The following GPRIN3 variants were observed in gnomAD, a reference collection of about 807,000 sequenced individuals.
GPRIN3 encodes the protein GPRIN family member 3, also known as G protein-regulated inducer of neurite outgrowth 3.
Under a neutral mutation model 13.7 loss-of-function variants are expected in GPRIN3, and 12 were observed. That is an observed-to-expected ratio of 0.87 (90% CI 0.56 to 1.42). The LOEUF (loss-of-function observed/expected upper bound fraction) is 1.42. GPRIN3 is among the 40% of genes most tolerant of loss of function. The pLI is 0.00. For missense variants in GPRIN3, 1,009 were observed against 958.7 expected (o/e 1.05, Z -0.69); for synonymous variants, 377 against 372.7 (o/e 1.01, Z -0.13).
intron 1 of GPRIN3, among the ~76,000 whole-genome samples, chr4:89,283,562 G>A (rs1480175110): frequency 2.0e-5 from 3 of 152,174 alleles, no homozygotes; most frequent in African/African-American, 7.2e-5. Context: ...GGGGGAGGCA[G>A]AAACATAAAG....
At chr4:89,277,227 A>T (rs1445781911) in intron 1 of GPRIN3, among the ~76,000 whole-genome samples, 1 of 152,158 alleles carries the variant, frequency 6.6e-6, no homozygotes, top group Non-Finnish European at 1.5e-5. Context: ...CCAAATGGTA[A>T]CCATAGTGGC....
chr4:89,248,765 TC>T lies in GPRIN3; in HGVS notation c.1345del (p.Glu449SerfsTer15). Reference sequence around the variant, plus strand: ...ACCTGCGAGCTTTTTAGCAGTTGACTCTTCCCTCACTGGAGTCATTCCTGCT... The same window carrying T: ...ACCTGCGAGCTTTTTAGCAGTTGACTTTCCCTCACTGGAGTCATTCCTGCT... ...RLAGMTPVREESTAKKLAGTN... is the reference protein window; with the variant it reads ...RLAGMTPVREXSTAKKLAGTN... On this transcript the variant is annotated frameshift_variant, in exon 2 of 2. Transcript: ENST00000609438. LOFTEE classifies it low-confidence loss of function (END_TRUNC). 6.2e-7 allele frequency: 1 copy of T among 1,614,204 alleles called. No homozygotes were observed. Among genetic ancestry groups the T allele is most frequent in the South Asian group, 1.1e-5 (1 of 91,090 alleles).
At chr4:89,302,664 C>T (rs1395028164) in intron 1 of GPRIN3, among the ~76,000 whole-genome samples, 2 of 152,160 alleles carry the variant, frequency 1.3e-5, no homozygotes, top group Non-Finnish European at 2.9e-5. Flanking sequence ...TTCTCACTGG[C>T]ATTCAAGAGA....
chr4:89,293,755 T>C, intron 1 of GPRIN3, among the ~76,000 whole-genome samples: 1 of 152,218 alleles, frequency 6.6e-6, no homozygotes, highest in South Asian at 2.1e-4. Flanking sequence ...TTTAGCTCCA[T>C]ACCAGATGTG....
rs983656342 is a variant in GPRIN3, at chr4:89,242,230, C to T, written c.*5550G>A. On this transcript the variant is annotated 3_prime_UTR_variant, in exon 2 of 2. Coordinates refer to ENST00000609438, the MANE Select transcript of GPRIN3 (RefSeq NM_198281.3). The stretch of plus-strand genomic sequence containing the variant: ...GATGAAGAGTTAGCATTTAGAAGTG[C>T]CCATCTGGAGCATCGTTTTCTGTAA... The T allele has an allele frequency of 6.6e-6, 1 of 152,148 alleles. No homozygotes were observed. Among genetic ancestry groups the T allele is most frequent in the Non-Finnish European group, 1.5e-5 (1 of 68,022 alleles). 9.4% of individuals were successfully genotyped at this position (152,148 alleles called of 1,614,324 possible).
intron 1 of GPRIN3, among the ~76,000 whole-genome samples, chr4:89,265,554 C>G (rs1165765551): frequency 6.6e-6 from 1 of 152,264 alleles, no homozygotes; most frequent in African/African-American, 2.4e-5. Flanking sequence ...ACATTTAAAA[C>G]TTTGTGATGA....
In GPRIN3 at chr4:89,249,357, C is replaced by T. The variant is rs376391358; in HGVS notation, c.754G>A (p.Val252Ile). 49 of 1,614,026 alleles carry T rather than the reference C, an allele frequency of 3.0e-5. No individual in the cohort carries two copies. Among genetic ancestry groups the T allele is most frequent in the Non-Finnish European group, 3.3e-5 (39 of 1,180,028 alleles). ...GTGCCTTGGGGGCCCGAGGCAGTGA[C>T]AGAGGGCTGCTTGTTCTCTGAACAT... is the stretch of plus-strand genomic sequence containing the variant. ...SGCSENKQPS[V>I]TASGPQGTTS... The change falls in exon 2 of 2, where the codon GTC (valine) becomes ATC (isoleucine). Residue 252 changes from valine (V) to isoleucine (I), a missense_variant. Transcript: ENST00000609438.
At chr4:89,293,602 T>C (rs951487950) in intron 1 of GPRIN3, among the ~76,000 whole-genome samples, 4 of 152,332 alleles carry the variant, frequency 2.6e-5, no homozygotes, top group Non-Finnish European at 4.4e-5. Flanking sequence ...GTCAGGGTCA[T>C]TGAGGCTGGA....
rs72872572 is a variant in GPRIN3 at position 89,283,100 on chromosome 4, C to T, written c.-124+24515G>A. Among the ~76,000 whole-genome samples, 1,068 of 152,276 alleles carry T rather than the reference C, an allele frequency of 7.0e-3. 12 individuals carry two copies. The highest frequency in any genetic ancestry group is 0.025 in the African/African-American group (1,033 of 41,552). On this transcript the variant is annotated intron_variant, in intron 1 of 1. Coordinates refer to ENST00000609438, the MANE Select transcript of GPRIN3 (RefSeq NM_198281.3). ...AGTGTTTTGTTTGTAAAATCCCTTG[C>T]TTCATTGAGGGCTATGAGAGGAAGT...
At chr4:89,301,246 T>G (rs982654643) in intron 1 of GPRIN3, among the ~76,000 whole-genome samples, 3 of 152,304 alleles carry the variant, frequency 2.0e-5, no homozygotes, top group Middle Eastern at 3.4e-3. Flanking sequence ...GTCTTTTGCA[T>G]TTTTGAACAA....
intron 1 of GPRIN3, among the ~76,000 whole-genome samples, chr4:89,279,389 T>C (rs966005031): frequency 6.6e-6 from 1 of 152,168 alleles, no homozygotes; most frequent in Non-Finnish European, 1.5e-5. Flanking sequence ...CCCACTTCAT[T>C]TGGATGACAG....
At chr4:89,291,754 T>C (rs2110015415) in intron 1 of GPRIN3, among the ~76,000 whole-genome samples, 1 of 152,064 alleles carries the variant, frequency 6.6e-6, no homozygotes, top group African/African-American at 2.4e-5. Context: ...GTCTCTACTA[T>C]ATTTTGTATT....
chr4:89,244,899 A>G lies in GPRIN3; in HGVS notation c.*2881T>C, dbSNP rs1723046946. ...GAAAAAGAACCAAATCATATCTAAG[A>G]GAAATGAAGGGTAAAACCAAACAAC... On this transcript the variant is annotated 3_prime_UTR_variant, in exon 2 of 2. Transcript: ENST00000609438. 6.6e-6 allele frequency: 1 copy of G among 152,212 alleles called. No homozygotes were observed. The highest frequency in any genetic ancestry group is 6.5e-5 in the Admixed American group (1 of 15,280). 9.4% of individuals were successfully genotyped at this position (152,212 alleles called of 1,614,324 possible).
intron 1 of GPRIN3, among the ~76,000 whole-genome samples, chr4:89,262,500 C>T (rs553965506): frequency 2.7e-4 from 41 of 152,274 alleles, no homozygotes; most frequent in African/African-American, 9.4e-4. Flanking sequence ...CTAGGCAAAA[C>T]TGAGCAAGCA....
At position 89,248,745 on chromosome 4, in the gene GPRIN3, C is replaced by A. The variant is rs752361576; in HGVS notation, c.1366G>T (p.Ala456Ser). 9.3e-6 allele frequency: 15 copies of A among 1,614,170 alleles called. No homozygotes were observed. The highest frequency in any genetic ancestry group is 1.3e-5 in the Non-Finnish European group (15 of 1,180,030). The change falls in exon 2 of 2, where the codon GCA (alanine) becomes TCA (serine). Residue 456 changes from alanine to serine, a missense_variant. Physicochemically the swap from Ala to Ser is moderately conservative, Grantham distance 99. Transcript: ENST00000609438. ...VREESTAKKLAGTNSSSLKAT... is the reference protein window; with the variant it reads ...VREESTAKKLSGTNSSSLKAT... ...TTCAGGGAGCTAGAATTAGTACCTG[C>A]GAGCTTTTTAGCAGTTGACTCTTCC...
At position 89,242,761 on chromosome 4, in the gene GPRIN3, CT is replaced by C. The variant is rs1722979959; in HGVS notation, c.*5018del. 6.6e-6 allele frequency: 1 copy of C among 152,088 alleles called. No individual in the cohort carries two copies. The highest frequency in any genetic ancestry group is 1.5e-5 in the Non-Finnish European group (1 of 68,008). The allele number at this position is 152,088 out of a possible 1,614,324, so 9.4% of individuals were successfully genotyped here. A position where few individuals can be genotyped will look rare whatever the true frequency, so the allele number is the denominator to read the frequency against. On this transcript the variant is annotated 3_prime_UTR_variant, in exon 2 of 2. Coordinates refer to ENST00000609438, the MANE Select transcript of GPRIN3 (RefSeq NM_198281.3). ...TGGCTTTAATTTCATATTCAACAGTCTTTATTCTCATTATTAGTATCTGAGA... is the reference window on the plus strand; with the variant it reads ...TGGCTTTAATTTCATATTCAACAGTCTTATTCTCATTATTAGTATCTGAGA...
chr4:89,299,825 G>A (rs1345577186), intron 1 of GPRIN3, among the ~76,000 whole-genome samples: 1 of 152,158 alleles, frequency 6.6e-6, no homozygotes, highest in Admixed American at 6.5e-5. Context: ...AGGAAGCTAT[G>A]CAAGTTTGGT....
intron 1 of GPRIN3, among the ~76,000 whole-genome samples, chr4:89,254,148 T>TGTGTGTGTGTGTGTGC (rs1561189078): frequency 6.6e-6 from 1 of 151,900 alleles, no homozygotes; most frequent in Non-Finnish European, 1.5e-5. Flanking sequence ...TGTGTGTGTG[T>TGTGTGTGTGTGTGTGC]GTGGAGTGTG....
At chr4:89,250,654 G>C (rs1356824809) in intron 1 of GPRIN3, 2 of 152,078 alleles carry the variant, frequency 1.3e-5, no homozygotes, top group East Asian at 3.9e-4. Flanking sequence ...AAGAAATCTA[G>C]GGATAGATCC....
Sources: gnomAD v4.1 joint callset for allele counts (sites outside exome capture counted in the v4.1 genomes callset) on GRCh38, gnomAD v4.1.1 for gene constraint, MANE v1.5 for transcripts, NCBI Gene and HGNC (gene_info 2026-07-23, HGNC 2026-07-21) for gene names.